DPP10: variants seen among roughly 807,000 people sequenced by gnomAD.
DPP10 encodes the protein inactive dipeptidyl peptidase 10.
A neutral mutation model predicts 120.9 loss-of-function variants in DPP10; 33 were observed. The observed-to-expected ratio is 0.27, with a 90% CI of 0.21 to 0.37. The LOEUF (loss-of-function observed/expected upper bound fraction) is 0.37, where lower values mean the gene tolerates loss of function less well. Ranked by LOEUF, DPP10 falls within the 10% of genes least tolerant of loss-of-function variation. The probability of loss-of-function intolerance (pLI) is 1.00; values close to 1 mark genes in which losing one functional copy is unlikely to be tolerated. For synonymous variants in DPP10, 337 were observed against 326.1 expected (o/e 1.03, Z -0.36); for missense variants, 816 against 942.8 (o/e 0.87, Z 1.76).
intron 3 of DPP10, among the ~76,000 whole-genome samples, chr2:115,469,904 A>G (rs1224746970): frequency 6.6e-6 from 1 of 151,876 alleles, no homozygotes; most frequent in East Asian, 1.9e-4. Flanking sequence ...AAAAAAGAAA[A>G]AAAAAAACTA....
intron 2 of DPP10, among the ~76,000 whole-genome samples, chr2:115,333,319 C>T (rs1418522462): frequency 1.3e-5 from 2 of 152,102 alleles, no homozygotes; most frequent in East Asian, 3.9e-4. Context: ...ATGTGTGTCT[C>T]TGCATGTGAG....
rs930058778 is a variant in DPP10 at position 115,791,648 on chromosome 2, G to T, written c.1700+292G>T. ...TGCTTAGCAATTACTCAAGCCCTGC[G>T]CTCTTTATCAGTTGTTTATGCAACA... On this transcript the variant is annotated intron_variant, in intron 19 of 25. Coordinates refer to ENST00000410059, the MANE Select transcript of DPP10 (RefSeq NM_020868.6). Among the ~76,000 whole-genome samples the T allele has an allele frequency of 5.9e-5, 9 of 152,232 alleles. No homozygotes were observed. The East Asian group carries it at 1.4e-3, about 23-fold the overall frequency.
intron 3 of DPP10, among the ~76,000 whole-genome samples, chr2:115,380,068 C>G (rs575477947): frequency 2.6e-5 from 4 of 152,178 alleles, no homozygotes; most frequent in South Asian, 4.2e-4. Context: ...TCTATTAGGT[C>G]CACTTGGTGC....
At chr2:114,577,363 C>G (rs1376830993) in intron 1 of DPP10, among the ~76,000 whole-genome samples, 3 of 152,186 alleles carry the variant, frequency 2.0e-5, no homozygotes, top group African/African-American at 4.8e-5. Flanking sequence ...GGCCAACAGG[C>G]CTTCCTGTAG....
intron 1 of DPP10, among the ~76,000 whole-genome samples, chr2:114,669,558 C>T (rs1698180259): frequency 6.6e-6 from 1 of 151,824 alleles, no homozygotes; most frequent in Non-Finnish European, 1.5e-5. Flanking sequence ...TTGATGGCAC[C>T]CTAATAAGGA....
intron 1 of DPP10, among the ~76,000 whole-genome samples, chr2:114,662,658 C>T (rs1405238040): frequency 6.6e-6 from 1 of 152,160 alleles, no homozygotes; most frequent in East Asian, 1.9e-4. Flanking sequence ...ACCCCAGGAG[C>T]TCCAGAAAGA....
In DPP10 at chr2:114,713,927, G is replaced by A. The variant is rs1055482969; in HGVS notation, c.60+271089G>A. The stretch of plus-strand genomic sequence containing the variant: ...TTGAACTCAGGAGGCGGAGGTTGCA[G>A]TGAGCCGAGATCGCACCATTGCACT... On this transcript the variant is annotated intron_variant, in intron 1 of 25. Coordinates refer to ENST00000410059, the MANE Select transcript of DPP10 (RefSeq NM_020868.6). 8.6e-5 allele frequency among the ~76,000 whole-genome samples: 13 copies of A among 151,670 alleles called. No individual in the cohort carries two copies. The East Asian group carries it at 2.3e-3, about 27-fold the overall frequency.
At chr2:114,933,786 C>T (rs1415977123) in intron 1 of DPP10, among the ~76,000 whole-genome samples, 2 of 152,124 alleles carry the variant, frequency 1.3e-5, no homozygotes, top group Admixed American at 1.3e-4. Context: ...GGTTGTCGGG[C>T]CCTACCCACA....
At chr2:115,501,308 C>G (rs1211483227) in intron 4 of DPP10, among the ~76,000 whole-genome samples, 2 of 151,922 alleles carry the variant, frequency 1.3e-5, no homozygotes, top group Admixed American at 6.6e-5. Context: ...CATGATACAT[C>G]AAAAAAGAAA....
intron 1 of DPP10, among the ~76,000 whole-genome samples, chr2:114,983,099 A>G (rs1301600040): frequency 6.6e-6 from 1 of 152,202 alleles, no homozygotes; most frequent in East Asian, 1.9e-4. Flanking sequence ...ATGATGCATT[A>G]TATACACTTG....
intron 1 of DPP10, among the ~76,000 whole-genome samples, chr2:114,834,638 A>T (rs1687501683): frequency 7.5e-6 from 1 of 133,158 alleles, no homozygotes; most frequent in Non-Finnish European, 1.6e-5. Flanking sequence ...TATATAAGCC[A>T]TATCTACACA....
chr2:114,887,641 T>C (rs17788997), intron 1 of DPP10, among the ~76,000 whole-genome samples: 2,768 of 152,306 alleles, frequency 0.018, 48 homozygotes, highest in Admixed American at 0.043. Flanking sequence ...CTTCAGAGTC[T>C]TAGTATCTAG....
At chr2:114,780,935 T>C (rs1258146519) in intron 1 of DPP10, among the ~76,000 whole-genome samples, 1 of 152,210 alleles carries the variant, frequency 6.6e-6, no homozygotes, top group African/African-American at 2.4e-5. Flanking sequence ...TTACTGTGAA[T>C]AGAATGGTGA....
chr2:115,511,185 A>G (rs568114772), intron 4 of DPP10, among the ~76,000 whole-genome samples: 2 of 152,200 alleles, frequency 1.3e-5, no homozygotes, highest in South Asian at 4.1e-4. Flanking sequence ...TTAATGTTTC[A>G]TGGAACTCAC....
At chr2:114,619,420 C>T (rs545129156) in intron 1 of DPP10, among the ~76,000 whole-genome samples, 52 of 149,826 alleles carry the variant, frequency 3.5e-4, no homozygotes, top group African/African-American at 8.9e-4. Context: ...TGTACACACA[C>T]ATATAGTGAG....
At chr2:114,537,370 A>G (rs1686590598) in intron 1 of DPP10, among the ~76,000 whole-genome samples, 1 of 152,098 alleles carries the variant, frequency 6.6e-6, no homozygotes, top group South Asian at 2.1e-4. Flanking sequence ...ATTCATGTGC[A>G]TTCAGAAAGA....
chr2:115,574,117 T>C (rs1040310569), intron 5 of DPP10, among the ~76,000 whole-genome samples: 2 of 152,090 alleles, frequency 1.3e-5, no homozygotes, highest in Non-Finnish European at 2.9e-5. Context: ...CATTCTTCCC[T>C]CCACTTCACT....
At chr2:115,322,675 G>A (rs941843399) in intron 2 of DPP10, among the ~76,000 whole-genome samples, 1 of 152,132 alleles carries the variant, frequency 6.6e-6, no homozygotes, top group African/African-American at 2.4e-5. Flanking sequence ...CTCAATAAAT[G>A]CAGGCATGCA....
chr2:115,103,407 C>T (rs993430337), intron 1 of DPP10, among the ~76,000 whole-genome samples: 3 of 152,054 alleles, frequency 2.0e-5, no homozygotes, highest in Non-Finnish European at 2.9e-5. Flanking sequence ...CCAGGATGGC[C>T]GCGATCTCCT....
Sources: gnomAD v4.1 joint callset for allele counts (sites outside exome capture counted in the v4.1 genomes callset) on GRCh38, gnomAD v4.1.1 for gene constraint, MANE v1.5 for transcripts, NCBI Gene and HGNC (gene_info 2026-07-23, HGNC 2026-07-21) for gene names.